The following LPAR1 variants were observed in gnomAD, a reference collection of about 807,000 sequenced individuals.
LPAR1 encodes the protein lysophosphatidic acid receptor 1.
Under a neutral mutation model 23.8 loss-of-function variants are expected in LPAR1, and 5 were observed. That is an observed-to-expected ratio of 0.21 (90% confidence interval 0.11 to 0.44). The LOEUF (loss-of-function observed/expected upper bound fraction) is 0.44, where lower values mean the gene tolerates loss of function less well. Ranked by LOEUF, LPAR1 falls within the 20% of genes least tolerant of loss-of-function variation. LPAR1 has a pLI of 0.99. For missense variants in LPAR1, 311 were observed against 482.8 expected (o/e 0.64, Z 3.33); for synonymous variants, 160 against 164.7 (o/e 0.97, Z 0.22).
At chr9:110,894,281 A>C (rs1008792764) in intron 5 of LPAR1, among the ~76,000 whole-genome samples, 1 of 152,218 alleles carries the variant, frequency 6.6e-6, no homozygotes, top group African/African-American at 2.4e-5. Flanking sequence ...AGACAGACAG[A>C]CCTGAGGTCA....
intron 5 of LPAR1, among the ~76,000 whole-genome samples, chr9:110,876,993 C>CCATATGTGTAATCAGGCAGGCTA (rs1299379181): frequency 6.6e-6 from 1 of 152,196 alleles, no homozygotes; most frequent in African/African-American, 2.4e-5. Flanking sequence ...CTAATGGGCC[C>CCATATGTGTAATCAGGCAGGCTA]CATATGTGTA....
intron 2 of LPAR1, among the ~76,000 whole-genome samples, chr9:110,986,019 G>C (rs2096774148): frequency 6.6e-6 from 1 of 152,034 alleles, no homozygotes; most frequent in Admixed American, 6.6e-5. Flanking sequence ...ATTCCACAAA[G>C]AAGACTGAAA....
chr9:110,955,273 G>A (rs1439692691), intron 4 of LPAR1, among the ~76,000 whole-genome samples: 1 of 152,108 alleles, frequency 6.6e-6, no homozygotes, highest in Non-Finnish European at 1.5e-5. Flanking sequence ...AACCAAGAAT[G>A]AACACAAGTA....
intron 4 of LPAR1, among the ~76,000 whole-genome samples, chr9:110,956,031 GA>G (rs528503847): frequency 1.7e-3 from 259 of 151,362 alleles, no homozygotes; most frequent in Non-Finnish European, 2.8e-3. Context: ...ATAAATAGAA[GA>G]AAAAAAATAA....
chr9:110,879,417 CA>C (rs71371692), intron 5 of LPAR1, among the ~76,000 whole-genome samples: 9,880 of 46,732 alleles, frequency 0.21, 116 homozygotes, highest in Non-Finnish European at 0.25. Flanking sequence ...GACTCCATCT[CA>C]AAAAAAAAAA....
intron 5 of LPAR1, among the ~76,000 whole-genome samples, chr9:110,938,014 T>A (rs1049591938): frequency 2.1e-4 from 32 of 152,188 alleles, no homozygotes; most frequent in African/African-American, 7.7e-4. Flanking sequence ...CTGTAGTGAA[T>A]TCACTACGGC....
At chr9:111,015,154 C>T (rs1408350352) in intron 2 of LPAR1, among the ~76,000 whole-genome samples, 1 of 152,150 alleles carries the variant, frequency 6.6e-6, no homozygotes, top group Non-Finnish European at 1.5e-5. Context: ...TGACTTCCAG[C>T]CTCCAGAATT....
chr9:110,997,808 A>C (rs2097047590), intron 2 of LPAR1, among the ~76,000 whole-genome samples: 1 of 152,216 alleles, frequency 6.6e-6, no homozygotes, highest in Non-Finnish European at 1.5e-5. Context: ...AGCAAGCTTT[A>C]CTGCAGAATA....
At chr9:111,008,434 A>G (rs1183709180) in intron 2 of LPAR1, among the ~76,000 whole-genome samples, 1 of 152,168 alleles carries the variant, frequency 6.6e-6, no homozygotes, top group Non-Finnish European at 1.5e-5. Context: ...TCAACTCGGA[A>G]AAGAAAAAAA....
chr9:110,951,070 TGATATGAGA>T (rs1206905141), intron 4 of LPAR1, among the ~76,000 whole-genome samples: 1 of 152,182 alleles, frequency 6.6e-6, no homozygotes, highest in Non-Finnish European at 1.5e-5. Flanking sequence ...TATTATAACT[TGATATGAGA>T]GATATGATTT....
intron 5 of LPAR1, among the ~76,000 whole-genome samples, chr9:110,903,882 C>CAG (rs1491543002): frequency 1.3e-5 from 1 of 77,228 alleles, no homozygotes; most frequent in African/African-American, 6.6e-5. Flanking sequence ...AAGTGAATTG[C>CAG]AAAAAAAAAA....
At chr9:111,035,665 C>G (rs1242744426) in intron 2 of LPAR1, among the ~76,000 whole-genome samples, 1 of 152,156 alleles carries the variant, frequency 6.6e-6, no homozygotes, top group Non-Finnish European at 1.5e-5. Flanking sequence ...CACAGTTCAG[C>G]TTTTACAATA....
chr9:110,970,733 T>C (rs1400023066), intron 4 of LPAR1, among the ~76,000 whole-genome samples: 1 of 152,064 alleles, frequency 6.6e-6, no homozygotes, highest in African/African-American at 2.4e-5. Context: ...ACATACAAAA[T>C]TGAATAGCCT....
chr9:110,997,756 T>G (rs1724935650), intron 2 of LPAR1, among the ~76,000 whole-genome samples: 1 of 152,230 alleles, frequency 6.6e-6, no homozygotes, highest in Admixed American at 6.5e-5. Context: ...ATATTCTACA[T>G]TTATTGCTAG....
intron 5 of LPAR1, among the ~76,000 whole-genome samples, chr9:110,893,361 T>A (rs187095047): frequency 3.3e-5 from 5 of 152,316 alleles, no homozygotes; most frequent in Non-Finnish European, 5.9e-5. Flanking sequence ...ACTGATAGTA[T>A]ACATAAGTGG....
At chr9:110,894,665 C>A (rs1395125434) in intron 5 of LPAR1, among the ~76,000 whole-genome samples, 1 of 152,096 alleles carries the variant, frequency 6.6e-6, no homozygotes, top group South Asian at 2.1e-4. Flanking sequence ...TGAAGTAACC[C>A]ATCAGCATTT....
chr9:110,972,241 C>T (rs945766665), intron 3 of LPAR1, 21 bp from the exon 4 acceptor site: 24 of 822,738 alleles, frequency 2.9e-5, no homozygotes, highest in African/African-American at 1.7e-4. Flanking sequence ...ACAGGAAAAC[C>T]CACATTTAGC....
chr9:110,988,439 A>C (rs2096833350), intron 2 of LPAR1, among the ~76,000 whole-genome samples: 1 of 152,130 alleles, frequency 6.6e-6, no homozygotes, highest in Non-Finnish European at 1.5e-5. Context: ...TCCAGAATAA[A>C]GAACTCCTGC....
At chr9:110,974,420 T>C (rs1166661760) in intron 2 of LPAR1, among the ~76,000 whole-genome samples, 4 of 152,222 alleles carry the variant, frequency 2.6e-5, no homozygotes, top group Non-Finnish European at 5.9e-5. Context: ...AGCTCAGGGA[T>C]ACTGGGCAAA....
Sources: gnomAD v4.1 joint callset for allele counts (sites outside exome capture counted in the v4.1 genomes callset) on GRCh38, gnomAD v4.1.1 for gene constraint, MANE v1.5 for transcripts, NCBI Gene and HGNC (gene_info 2026-07-23, HGNC 2026-07-21) for gene names.